Variants in ENPP3 observed in about 807,000 individuals in gnomAD.
The protein encoded by ENPP3 is ectonucleotide pyrophosphatase/phosphodiesterase family member 3.
Under a neutral mutation model 117.8 loss-of-function variants are expected in ENPP3, and 104 were observed. That is an observed-to-expected ratio of 0.88 (90% confidence interval 0.75 to 1.04). ENPP3 has a LOEUF of 1.04. Ranked by LOEUF, ENPP3 falls within the 50% of genes least tolerant of loss-of-function variation. ENPP3 has a pLI of 0.00. For synonymous variants in ENPP3, 380 were observed against 349.9 expected, an observed-to-expected ratio of 1.09 and a Z score of -0.96; for missense variants, 1,026 against 1,051.9, an observed-to-expected ratio of 0.98 and a Z score of 0.34.
intron 6 of ENPP3, among the ~76,000 whole-genome samples, chr6:131,665,601 T>G (rs1397199730): frequency 6.6e-6 from 1 of 152,110 alleles, no homozygotes; most frequent in Non-Finnish European, 1.5e-5. Context: ...CTCTTTCTGA[T>G]TTTATTTATT....
chr6:131,657,296 A>T (rs1020413328), intron 5 of ENPP3, among the ~76,000 whole-genome samples: 2 of 152,154 alleles, frequency 1.3e-5, no homozygotes, highest in African/African-American at 4.8e-5. Flanking sequence ...AATATAGAAT[A>T]TTTCCACCAT....
intron 1 of ENPP3, among the ~76,000 whole-genome samples, chr6:131,640,555 A>T (rs1347984664): frequency 1.3e-5 from 2 of 152,258 alleles, no homozygotes; most frequent in Non-Finnish European, 2.9e-5. Flanking sequence ...CCTCAAAAAA[A>T]TAATTTATGT....
chr6:131,644,834 A>G (rs1348691485), intron 2 of ENPP3, among the ~76,000 whole-genome samples: 6 of 152,198 alleles, frequency 3.9e-5, no homozygotes, highest in Admixed American at 3.9e-4. Flanking sequence ...GGGAAAAGCA[A>G]AGAAAACTAG....
At position 131,674,155 on chromosome 6, in the gene ENPP3, ATT is replaced by A; in HGVS notation, c.643-4_643-3del. The A allele has an allele frequency of 6.7e-7, 1 of 1,492,570 alleles. No homozygotes were observed. Among genetic ancestry groups the A allele is most frequent in the Non-Finnish European group, 9.2e-7 (1 of 1,081,744 alleles). 92.5% of individuals were successfully genotyped at this position (1,492,570 alleles called of 1,614,324 possible). A position where few individuals can be genotyped will look rare whatever the true frequency, so the allele number is the denominator to read the frequency against. On this transcript the variant is annotated splice_polypyrimidine_tract_variant and splice_region_variant and intron_variant, in intron 7 of 24. Coordinates refer to ENST00000357639, the MANE Select transcript of ENPP3 (RefSeq NM_005021.5). The stretch of plus-strand genomic sequence containing the variant: ...ATCTTACATCTTTTTTGAAATTATC[ATT>A]TTAGGGCTTGTATCCAGAGTCACAT...
chr6:131,727,120 G>T (rs1780170994), intron 20 of ENPP3, among the ~76,000 whole-genome samples: 1 of 152,194 alleles, frequency 6.6e-6, no homozygotes, highest in Non-Finnish European at 1.5e-5. Flanking sequence ...ATCCAGAACA[G>T]TAATTAGATT....
chr6:131,712,212 C>A (rs1779804229), intron 15 of ENPP3, among the ~76,000 whole-genome samples: 1 of 141,526 alleles, frequency 7.1e-6, no homozygotes, highest in East Asian at 2.1e-4. Flanking sequence ...TGATTTATTT[C>A]TTATCAGTCT....
chr6:131,716,832 G>A (rs1010035110), intron 15 of ENPP3, among the ~76,000 whole-genome samples: 14 of 149,606 alleles, frequency 9.4e-5, no homozygotes, highest in African/African-American at 3.2e-4. Flanking sequence ...TTAGCTGGAT[G>A]TGGTGGCACA....
At chr6:131,641,364 T>C (rs1778035667) in intron 1 of ENPP3, 91 bp from the exon 2 acceptor site, 5 of 743,042 alleles carry the variant, frequency 6.7e-6, no homozygotes, top group African/African-American at 3.5e-5. Flanking sequence ...ACGCTGCAGG[T>C]ACTTAGAGAG....
intron 15 of ENPP3, among the ~76,000 whole-genome samples, chr6:131,706,518 G>A (rs1424616295): frequency 6.6e-6 from 1 of 150,612 alleles, no homozygotes; most frequent in South Asian, 2.1e-4. Context: ...TCACTTGACC[G>A]CACATTTCTC....
chr6:131,656,927 A>G (rs1213921258), intron 5 of ENPP3, among the ~76,000 whole-genome samples: 1 of 152,166 alleles, frequency 6.6e-6, no homozygotes, highest in East Asian at 1.9e-4. Context: ...GGCCATTAAA[A>G]AAGGGGTGCA....
intron 2 of ENPP3, among the ~76,000 whole-genome samples, chr6:131,644,015 T>G (rs1048847064): frequency 1.3e-5 from 2 of 150,298 alleles, no homozygotes; most frequent in African/African-American, 4.9e-5. Context: ...GACAGAAACA[T>G]AGGGATAGGT....
intron 21 of ENPP3, among the ~76,000 whole-genome samples, chr6:131,735,951 TAACA>T (rs1161874531): frequency 1.3e-5 from 2 of 152,188 alleles, no homozygotes; most frequent in Non-Finnish European, 2.9e-5. Flanking sequence ...AAAAAATTGT[TAACA>T]GAGTAGATTT....
chr6:131,740,677 CTTT>C (rs1192718708), intron 24 of ENPP3, among the ~76,000 whole-genome samples: 4 of 151,880 alleles, frequency 2.6e-5, no homozygotes, highest in African/African-American at 9.6e-5. Context: ...TCTCTTTTTT[CTTT>C]TTTTATTTAT....
At chr6:131,676,251 T>G (rs1390602999) in intron 9 of ENPP3, among the ~76,000 whole-genome samples, 1 of 90,774 alleles carries the variant, frequency 1.1e-5, no homozygotes, top group Non-Finnish European at 1.9e-5. Context: ...CTGCTCTAGT[T>G]TTTTTTTTTT....
At chr6:131,660,757 C>A (rs1038483276) in intron 6 of ENPP3, among the ~76,000 whole-genome samples, 16 of 152,144 alleles carry the variant, frequency 1.1e-4, no homozygotes, top group African/African-American at 3.1e-4. Flanking sequence ...TGAGATCTAT[C>A]CTCTTAACAG....
chr6:131,694,096 T>C (rs1172753258), intron 15 of ENPP3, among the ~76,000 whole-genome samples: 4 of 152,250 alleles, frequency 2.6e-5, no homozygotes, highest in Non-Finnish European at 5.9e-5. Context: ...TGGTAATTTA[T>C]GTTGATTATT....
chr6:131,725,260 C>T (rs1030357024), intron 19 of ENPP3, among the ~76,000 whole-genome samples: 3 of 152,012 alleles, frequency 2.0e-5, no homozygotes, highest in African/African-American at 2.4e-5. Flanking sequence ...TACTTTTGCT[C>T]CAACCTAATA....
intron 15 of ENPP3, among the ~76,000 whole-genome samples, chr6:131,695,460 G>A (rs997137003): frequency 6.6e-6 from 1 of 152,128 alleles, no homozygotes; most frequent in East Asian, 1.9e-4. Flanking sequence ...CACATAGCTA[G>A]GTTGTGGGAA....
At chr6:131,653,444 A>G (rs1195850603) in intron 5 of ENPP3, among the ~76,000 whole-genome samples, 2 of 151,514 alleles carry the variant, frequency 1.3e-5, no homozygotes, top group Non-Finnish European at 2.9e-5. Context: ...CACTCTACCC[A>G]GCCACAGTAA....
Sources: gnomAD v4.1 joint callset for allele counts (sites outside exome capture counted in the v4.1 genomes callset) on GRCh38, gnomAD v4.1.1 for gene constraint, MANE v1.5 for transcripts, NCBI Gene and HGNC (gene_info 2026-07-23, HGNC 2026-07-21) for gene names.